Variants in TTC6 observed in about 807,000 individuals in gnomAD.
TTC6 encodes tetratricopeptide repeat domain 6, also known as tetratricopeptide repeat protein 6.
A neutral mutation model predicts 210.4 loss-of-function variants in TTC6; 172 were observed. That is an observed-to-expected ratio of 0.82 (90% CI 0.72 to 0.93). The LOEUF (loss-of-function observed/expected upper bound fraction) is 0.93, where lower values mean the gene tolerates loss of function less well. Among genes scored for constraint, TTC6 ranks in the 40% least tolerant of loss-of-function variants. TTC6 has a pLI of 0.00. For missense variants in TTC6, 2,414 were observed against 2,318.1 expected, an observed-to-expected ratio of 1.04 and a Z score of -0.85; for synonymous variants, 804 against 819.6, an observed-to-expected ratio of 0.98 and a Z score of 0.32.
rs1255834959 is a variant in TTC6 at position 37,651,411 on chromosome 14, ATATATATATATATATTTTTTTTTT to A, written c.939+28410_939+28433del. On this transcript the variant is annotated intron_variant, in intron 1 of 30. Transcript: ENST00000553443. Reference sequence around the variant, plus strand: ...GTTATATATATATATATATATATATATATATATATATATATTTTTTTTTTTTTTTTTTTTTTTTTTTTCCATCCA... The same window carrying A: ...GTTATATATATATATATATATATATATTTTTTTTTTTTTTTTTTCCATCCA... 5.3e-4 allele frequency among the ~76,000 whole-genome samples: 14 copies of A among 26,218 alleles called. 2 individuals carry two copies. Among genetic ancestry groups the A allele is most frequent in the Middle Eastern group, 0.025 (1 of 40 alleles). 17.2% of individuals were successfully genotyped at this position (26,218 alleles called of 152,430 possible).
chr14:37,624,514 G>GT (rs1211563323), intron 1 of TTC6, among the ~76,000 whole-genome samples: 2 of 152,272 alleles, frequency 1.3e-5, no homozygotes, highest in East Asian at 3.9e-4. Context: ...AAGAAAGATT[G>GT]TATTTTGACA....
chr14:37,757,706 T>G (rs2095972250), intron 14 of TTC6, among the ~76,000 whole-genome samples: 1 of 152,186 alleles, frequency 6.6e-6, no homozygotes, highest in South Asian at 2.1e-4. Context: ...CTGATCTTTT[T>G]TATTTCTTCT....
rs769433439 is a variant in TTC6, at chr14:37,751,242, A to G, written c.3129+17A>G. The G allele has an allele frequency of 2.6e-5, 39 of 1,507,404 alleles. No individual in the cohort carries two copies. The South Asian group carries it at 4.6e-4, about 18-fold the overall frequency. 93.4% of individuals were successfully genotyped at this position (1,507,404 alleles called of 1,614,324 possible). A position where few individuals can be genotyped will look rare whatever the true frequency, so the allele number is the denominator to read the frequency against. ...TTTTCGAAAGTAAGCTTTATCACAT[A>G]TAATTCTACCATTTATATAGTTTAG... On this transcript the variant is annotated intron_variant, in intron 13 of 30. Coordinates refer to ENST00000553443, the Ensembl canonical transcript of TTC6.
chr14:37,824,803 C>T (rs769259048), intron 27 of TTC6, among the ~76,000 whole-genome samples: 4 of 151,878 alleles, frequency 2.6e-5, no homozygotes, highest in Non-Finnish European at 4.4e-5. Flanking sequence ...TACAGTGTTC[C>T]GTAAAGTGGA....
chr14:37,842,415 A>G (rs768560685), exon 31 of TTC6: 14 of 793,234 alleles, frequency 1.8e-5, no homozygotes, highest in Admixed American at 6.9e-5. Flanking sequence ...TCTTCCATAT[A>G]ACCTTCTATG....
intron 23 of TTC6, 92 bp downstream of exon 25, chr14:37,807,552 G>A: frequency 8.7e-7 from 1 of 1,146,570 alleles, no homozygotes; most frequent in Non-Finnish European, 1.2e-6. Context: ...TTTTCTATGT[G>A]GTTGGGAATC....
intron 22 of TTC6, among the ~76,000 whole-genome samples, chr14:37,806,746 T>G (rs1383748559): frequency 1.3e-5 from 2 of 152,218 alleles, no homozygotes; most frequent in Admixed American, 6.5e-5. Flanking sequence ...ATGTAAATAT[T>G]AATGTGGCTA....
At chr14:37,707,662 A>C (rs1174067072) in intron 5 of TTC6, among the ~76,000 whole-genome samples, 1 of 152,070 alleles carries the variant, frequency 6.6e-6, no homozygotes, top group African/African-American at 2.4e-5. Flanking sequence ...CCTATAATAA[A>C]TCTTTCTCAA....
chr14:37,707,461 C>T (rs2095837647), intron 5 of TTC6, among the ~76,000 whole-genome samples: 1 of 151,968 alleles, frequency 6.6e-6, no homozygotes, highest in Non-Finnish European at 1.5e-5. Flanking sequence ...TCTTAAACCT[C>T]TGTACTTCAG....
In TTC6 at chr14:37,738,823, T is replaced by C. The variant is rs545803671; in HGVS notation, c.2031T>C (p.Pro677=). 256 of 1,530,652 alleles carry C rather than the reference T, an allele frequency of 1.7e-4. No individual in the cohort carries two copies. The African/African-American group carries it at 3.0e-3, about 18-fold the overall frequency. The allele number at this position is 1,530,652 out of a possible 1,614,324, so 94.8% of individuals were successfully genotyped here. ...TGAGGAAGGAGAAGATCATAGCTCC[T>C]TTGGAAATCAAGAATGATATGCAAA... Residue 677 remains proline (P), a synonymous_variant, in exon 10 of 31, where the codon CCT becomes CCC. Transcript: ENST00000553443.
chr14:37,656,959 T>C (rs965906458), intron 1 of TTC6, among the ~76,000 whole-genome samples: 2 of 152,068 alleles, frequency 1.3e-5, no homozygotes, highest in African/African-American at 4.8e-5. Context: ...CCTGTAATCC[T>C]GGCATTTTGG....
chr14:37,797,525 A>T (rs1329567188), intron 20 of TTC6, among the ~76,000 whole-genome samples: 1 of 151,602 alleles, frequency 6.6e-6, no homozygotes, highest in Non-Finnish European at 1.5e-5. Flanking sequence ...GGCATTTAAG[A>T]TATAAATTCT....
At chr14:37,605,895 GTTT>G (rs200989659) in intron 1 of TTC6, among the ~76,000 whole-genome samples, 28 of 145,234 alleles carry the variant, frequency 1.9e-4, no homozygotes, top group African/African-American at 6.0e-4. Flanking sequence ...TTATTCACAG[GTTT>G]TTTTTTTTTT....
At chr14:37,701,297 G>A in intron 4 of TTC6, 35 bp from the exon 7 acceptor site, 3 of 1,336,516 alleles carry the variant, frequency 2.2e-6, no homozygotes, top group Non-Finnish European at 2.9e-6. Flanking sequence ...TCCACAAAAT[G>A]ATGAAAGGAG....
chr14:37,698,470 G>A (rs962620992), intron 4 of TTC6, among the ~76,000 whole-genome samples: 1 of 152,118 alleles, frequency 6.6e-6, no homozygotes, highest in Non-Finnish European at 1.5e-5. Flanking sequence ...GTGTAGGTGA[G>A]CTTGACATCA....
At chr14:37,602,628 A>C (rs558936451) in intron 1 of TTC6, among the ~76,000 whole-genome samples, 7 of 152,202 alleles carry the variant, frequency 4.6e-5, no homozygotes, top group African/African-American at 1.7e-4. Flanking sequence ...CGGGTGGATG[A>C]ACCCACTGAA....
At chr14:37,828,383 T>C (rs1258966964) in intron 29 of TTC6, among the ~76,000 whole-genome samples, 1 of 152,106 alleles carries the variant, frequency 6.6e-6, no homozygotes, top group Non-Finnish European at 1.5e-5. Context: ...CACCCTTTCA[T>C]TTATATTGTA....
chr14:37,630,300 G>A (rs901085336), intron 1 of TTC6, among the ~76,000 whole-genome samples: 5 of 152,066 alleles, frequency 3.3e-5, no homozygotes, highest in Middle Eastern at 3.4e-3. Flanking sequence ...CATTAGTTTC[G>A]AAGAACTTAT....
At chr14:37,699,776 T>C (rs1450527778) in intron 4 of TTC6, among the ~76,000 whole-genome samples, 1 of 152,124 alleles carries the variant, frequency 6.6e-6, no homozygotes, top group Non-Finnish European at 1.5e-5. Flanking sequence ...GGGTCAAAGA[T>C]GTTTTCTATC....
Sources: allele counts gnomAD v4.1 joint callset (sites outside exome capture counted in the v4.1 genomes callset), GRCh38; gene constraint gnomAD v4.1.1; transcripts MANE v1.5; gene names NCBI Gene and HGNC (gene_info 2026-07-23, HGNC 2026-07-21).